SATB1: variants seen among roughly 807,000 people sequenced by gnomAD.
The protein encoded by SATB1 is DNA-binding protein SATB1.
In SATB1, 11 loss-of-function variants were observed where a neutral mutation model predicts 86.9. The observed-to-expected ratio is 0.13, with a 90% CI of 0.08 to 0.21. The LOEUF (loss-of-function observed/expected upper bound fraction) is 0.21, where lower values mean the gene tolerates loss of function less well. SATB1 is among the 10% of genes least tolerant of loss of function. The probability of loss-of-function intolerance (pLI) is 1.00; values close to 1 mark genes in which losing one functional copy is unlikely to be tolerated. For synonymous variants in SATB1, 357 were observed against 357.2 expected, an observed-to-expected ratio of 1.00 and a Z score of 0.01; for missense variants, 551 against 937.6, an observed-to-expected ratio of 0.59 and a Z score of 5.39.
intron 9 of SATB1, among the ~76,000 whole-genome samples, chr3:18,357,019 G>C (rs1333975659): frequency 6.6e-6 from 1 of 151,458 alleles, no homozygotes. Context: ...TTAAAACTAA[G>C]AGCTATAAAA....
chr3:18,360,526 T>A (rs74929561), intron 9 of SATB1, among the ~76,000 whole-genome samples: 3 of 69,958 alleles, frequency 4.3e-5, no homozygotes, highest in Non-Finnish European at 1.2e-4. Context: ...CTTTCTCCTA[T>A]TTTTTTTTTT....
chr3:18,352,024 G>A lies in SATB1; in HGVS notation c.1747C>T (p.His583Tyr). The A allele has an allele frequency of 1.2e-6, 2 of 1,614,206 alleles. No homozygotes were observed. The highest frequency in any genetic ancestry group is 1.7e-6 in the Non-Finnish European group (2 of 1,180,038). ...AVHHHGDRPP[H>Y]IIHVPAEQIQ... ...TGCTCTGCTGGAACATGGATAATGT[G>A]GGGCGGCCTGTCGCCATGGTGATGC... Residue 583 changes from histidine (H) to tyrosine (Y), a missense_variant, in exon 10 of 11, where the codon CAC becomes TAC. Around this residue, in one of 8 missense-constraint regions of SATB1, gnomAD observed 87 missense variants for 103.6 expected, o/e 0.84. Transcript: ENST00000338745. This position sits in a 1 kb window ranked among gnomAD's most constrained non-coding sequence, Gnocchi z 4.1.
At chr3:18,411,248 G>A (rs192726152) in intron 5 of SATB1, among the ~76,000 whole-genome samples, 148 of 152,222 alleles carry the variant, frequency 9.7e-4, no homozygotes, top group Admixed American at 8.8e-3. Flanking sequence ...CCTTAAAAAT[G>A]TGAAAGTTGT....
intron 5 of SATB1, chr3:18,409,231 C>T (rs539068612): frequency 6.6e-6 from 1 of 152,078 alleles, no homozygotes; most frequent in South Asian, 2.1e-4. Context: ...AAATTAGATG[C>T]TTTATTAAGT....
rs1291124028 is a variant in SATB1 at position 18,349,914 on chromosome 3, T to C, written c.1780-232A>G. The C allele has an allele frequency of 9.5e-6, 6 of 633,126 alleles. No homozygotes were observed. Among genetic ancestry groups the C allele is most frequent in the Non-Finnish European group, 7.5e-6 (3 of 397,400 alleles). 39.2% of individuals were successfully genotyped at this position (633,126 alleles called of 1,614,324 possible). On this transcript the variant is annotated intron_variant, in intron 10 of 10. Transcript: ENST00000338745. This position sits in a 1 kb window ranked among gnomAD's most constrained non-coding sequence, Gnocchi z 5.5. ...GACAGCTTTGGGGGGCTACTGCACT[T>C]ACTTATCAGAGATCAGCAGAGGAAG...
chr3:18,434,527 T>C (rs1698997355), intron 2 of SATB1, among the ~76,000 whole-genome samples: 1 of 151,772 alleles, frequency 6.6e-6, no homozygotes, highest in Admixed American at 6.6e-5. Context: ...AACTCAGAGG[T>C]AGTATAATAC....
At chr3:18,385,745 G>C (rs1280819575) in intron 8 of SATB1, among the ~76,000 whole-genome samples, 1 of 152,070 alleles carries the variant, frequency 6.6e-6, no homozygotes, top group Non-Finnish European at 1.5e-5. Context: ...ACAGTTATGA[G>C]GTTACTTTTA....
In SATB1 at chr3:18,434,042, T is replaced by G. The variant is rs1698977725; in HGVS notation, c.-25+2747A>C. Among the ~76,000 whole-genome samples the G allele has an allele frequency of 2.0e-5, 3 of 152,222 alleles. No homozygotes were observed. The South Asian group carries it at 6.2e-4, about 32-fold the overall frequency. On this transcript the variant is annotated intron_variant, in intron 2 of 3. Transcript: ENST00000414509. ...ATAGCACATTTATGAAAAATTTTGATGGAAACCAGCTTTCTGTTTTAAGGC... is the reference window on the plus strand; with the variant it reads ...ATAGCACATTTATGAAAAATTTTGAGGGAAACCAGCTTTCTGTTTTAAGGC...
intron 9 of SATB1, among the ~76,000 whole-genome samples, chr3:18,365,232 A>G (rs1181855270): frequency 6.6e-6 from 1 of 152,202 alleles, no homozygotes; most frequent in African/African-American, 2.4e-5. Context: ...TAAAGCATCT[A>G]AATTGTTACG....
intron 4 of SATB1, among the ~76,000 whole-genome samples, chr3:18,415,749 C>A (rs560462734): frequency 6.6e-6 from 1 of 152,030 alleles, no homozygotes; most frequent in East Asian, 1.9e-4. Flanking sequence ...ATTTAATTGA[C>A]TAAACGTAAA....
chr3:18,433,971 T>C (rs1424321082), intron 2 of SATB1, among the ~76,000 whole-genome samples: 1 of 152,098 alleles, frequency 6.6e-6, no homozygotes, highest in Non-Finnish European at 1.5e-5. Flanking sequence ...GCAAAGACTT[T>C]TCATTTGTGT....
At chr3:18,418,373 C>T (rs1698223642) in intron 2 of SATB1, among the ~76,000 whole-genome samples, 1 of 152,178 alleles carries the variant, frequency 6.6e-6, no homozygotes, top group Non-Finnish European at 1.5e-5. Flanking sequence ...CATCTTTCTA[C>T]ATGTGAGTCT....
chr3:18,355,862 A>G (rs983379382), intron 9 of SATB1, among the ~76,000 whole-genome samples: 1 of 152,010 alleles, frequency 6.6e-6, no homozygotes, highest in Non-Finnish European at 1.5e-5. Context: ...GGTACAAGGA[A>G]CAACCTAAAC....
At chr3:18,375,480 C>T (rs9814665) in intron 9 of SATB1, among the ~76,000 whole-genome samples, 34,963 of 152,012 alleles carry the variant, frequency 0.23, 4,439 homozygotes, top group Non-Finnish European at 0.26. Flanking sequence ...CTGCTTCACA[C>T]ACATTTTGTC....
At chr3:18,361,184 T>G (rs1384811099) in intron 9 of SATB1, among the ~76,000 whole-genome samples, 2 of 152,096 alleles carry the variant, frequency 1.3e-5, no homozygotes, top group Non-Finnish European at 1.5e-5. Flanking sequence ...GATCTATTTG[T>G]TAAGAAGTCT....
chr3:18,364,185 T>C (rs1410991966), intron 9 of SATB1, among the ~76,000 whole-genome samples: 1 of 152,214 alleles, frequency 6.6e-6, no homozygotes, highest in Non-Finnish European at 1.5e-5. Context: ...TCTTGTGCCA[T>C]GGACCCTTCT....
At chr3:18,401,970 AG>A (rs1254969666) in intron 5 of SATB1, among the ~76,000 whole-genome samples, 2 of 152,118 alleles carry the variant, frequency 1.3e-5, no homozygotes, top group African/African-American at 4.8e-5. Flanking sequence ...AATTGTGAAA[AG>A]GTAAGGGTGG....
At chr3:18,362,881 A>AAAAAAAAAAAAAAAAAC (rs373536891) in intron 9 of SATB1, among the ~76,000 whole-genome samples, 2 of 108,182 alleles carry the variant, frequency 1.8e-5, no homozygotes, top group Admixed American at 9.7e-5. Flanking sequence ...AAAAAAAAAA[A>AAAAAAAAAAAAAAAAAC]CCAAAACCCC....
intron 8 of SATB1, among the ~76,000 whole-genome samples, chr3:18,383,864 G>A (rs541267199): frequency 6.6e-6 from 1 of 151,948 alleles, no homozygotes; most frequent in Non-Finnish European, 1.5e-5. Flanking sequence ...ATTTAATCAT[G>A]GTTAAAGGGA....
Sources: gnomAD v4.1 joint callset for allele counts (sites outside exome capture counted in the v4.1 genomes callset) on GRCh38, gnomAD v4.1.1 for gene constraint, gnomAD v4.1.1 regional missense constraint, Gnocchi (gnomAD v3.1) non-coding constraint, MANE v1.5 for transcripts, NCBI Gene and HGNC (gene_info 2026-07-23, HGNC 2026-07-21) for gene names.